Variants in TEC observed in about 807,000 individuals in gnomAD.
The protein encoded by TEC is tec protein tyrosine kinase, also known as tyrosine-protein kinase Tec.
A neutral mutation model predicts 93.0 loss-of-function variants in TEC; 72 were observed. The ratio of observed to expected loss-of-function variants is 0.77; its 90% CI spans 0.64 to 0.94. TEC has a LOEUF of 0.94. Ranked by LOEUF, TEC falls within the 40% of genes least tolerant of loss-of-function variation. The probability of loss-of-function intolerance (pLI) is 0.00; values close to 1 mark genes in which losing one functional copy is unlikely to be tolerated. For missense variants in TEC, 630 were observed against 757.9 expected, an observed-to-expected ratio of 0.83 and a Z score of 1.98; for synonymous variants, 249 against 247.7, an observed-to-expected ratio of 1.01 and a Z score of -0.05.
At position 48,192,033 on chromosome 4, in the gene TEC, A is replaced by T. The variant is rs183471219; in HGVS notation, c.139-15847T>A. On this transcript the variant is annotated intron_variant, in intron 2 of 17. Coordinates refer to ENST00000381501, the MANE Select transcript of TEC (RefSeq NM_003215.3). Reference sequence around the variant, plus strand: ...CACTAAGCACAAAAGGCATGGAAGCATATGTCCACACAAAGACTAACACAA... The same window carrying T: ...CACTAAGCACAAAAGGCATGGAAGCTTATGTCCACACAAAGACTAACACAA... Among the ~76,000 whole-genome samples, 13 of 152,364 alleles carry T rather than the reference A, an allele frequency of 8.5e-5. No homozygotes were observed. The East Asian group carries it at 1.9e-3, about 23-fold the overall frequency.
At chr4:48,203,514 A>G (rs1389576049) in intron 2 of TEC, among the ~76,000 whole-genome samples, 1 of 152,216 alleles carries the variant, frequency 6.6e-6, no homozygotes, top group Non-Finnish European at 1.5e-5. Context: ...CCTGCCCATG[A>G]GAGCAAAGGA....
In TEC at chr4:48,241,538, G is replaced by C. The variant is rs550768718; in HGVS notation, c.-45-12879C>G. Among the ~76,000 whole-genome samples the C allele has an allele frequency of 1.0e-3, 152 of 152,284 alleles. 2 individuals carry two copies. Among genetic ancestry groups the C allele is most frequent in the Admixed American group, 6.0e-3 (92 of 15,278 alleles). ...GCCTAGAAGCCAGACACATGAGTGA[G>C]AGACCTTCAAATGATTCCAGCCCTT... On this transcript the variant is annotated intron_variant, in intron 1 of 17. Coordinates refer to ENST00000381501, the MANE Select transcript of TEC (RefSeq NM_003215.3).
intron 2 of TEC, among the ~76,000 whole-genome samples, chr4:48,218,709 C>G (rs1365545276): frequency 6.6e-6 from 1 of 152,094 alleles, no homozygotes; most frequent in Non-Finnish European, 1.5e-5. Context: ...GGCTCTTATC[C>G]CTGTATCACT....
intron 1 of TEC, among the ~76,000 whole-genome samples, chr4:48,264,551 A>G (rs1724583449): frequency 6.6e-6 from 1 of 152,208 alleles, no homozygotes; most frequent in Non-Finnish European, 1.5e-5. Context: ...CCCAAGAGGT[A>G]ACGACCACAG....
chr4:48,228,664 A>G lies in TEC; in HGVS notation c.-45-5T>C. 1.3e-6 allele frequency: 2 copies of G among 1,564,812 alleles called. No homozygotes were observed. The highest frequency in any genetic ancestry group is 1.7e-6 in the Non-Finnish European group (2 of 1,162,168). ...GCCACTGAAGATCCCAGTATTCTAC[A>G]GTGAAAAAAGAAACAGTTAAAATGT... On this transcript the variant is annotated splice_polypyrimidine_tract_variant and splice_region_variant and intron_variant, in intron 1 of 17. Coordinates refer to ENST00000381501, the MANE Select transcript of TEC (RefSeq NM_003215.3).
intron 2 of TEC, among the ~76,000 whole-genome samples, chr4:48,193,328 C>T (rs985698336): frequency 2.6e-5 from 4 of 152,044 alleles, no homozygotes; most frequent in South Asian, 2.1e-4. Context: ...TTTTTATCTT[C>T]TATCTTTTTT....
chr4:48,149,053 T>C (rs1720046737), intron 11 of TEC, among the ~76,000 whole-genome samples: 1 of 152,198 alleles, frequency 6.6e-6, no homozygotes, highest in South Asian at 2.1e-4. Flanking sequence ...CTGTACCAGA[T>C]TTTCTTTATC....
chr4:48,247,566 G>T (rs1169436097), intron 1 of TEC, among the ~76,000 whole-genome samples: 1 of 152,096 alleles, frequency 6.6e-6, no homozygotes, highest in Non-Finnish European at 1.5e-5. Flanking sequence ...CCCTAAAAAG[G>T]AATGAAATAC....
intron 1 of TEC, among the ~76,000 whole-genome samples, chr4:48,257,455 CAAAG>C (rs1724373969): frequency 6.6e-6 from 1 of 151,650 alleles, no homozygotes. Flanking sequence ...GAAAATATGA[CAAAG>C]AGAGGAGAGG....
intron 9 of TEC, among the ~76,000 whole-genome samples, chr4:48,152,131 A>G (rs1022235338): frequency 6.6e-6 from 1 of 152,328 alleles, no homozygotes; most frequent in African/African-American, 2.4e-5. Context: ...TGGTCAGTAA[A>G]AAGTATAACA....
chr4:48,204,397 C>T (rs1032084207), intron 2 of TEC, among the ~76,000 whole-genome samples: 1 of 152,110 alleles, frequency 6.6e-6, no homozygotes, highest in Non-Finnish European at 1.5e-5. Flanking sequence ...GGTTTTAAGC[C>T]CACCCTATGT....
chr4:48,142,266 T>C (rs1577693500), intron 14 of TEC, among the ~76,000 whole-genome samples: 1 of 152,110 alleles, frequency 6.6e-6, no homozygotes, highest in South Asian at 2.1e-4. Flanking sequence ...AGGTCAGGAG[T>C]TCGGGACCAG....
At chr4:48,156,850 G>A (rs1577706602) in intron 8 of TEC, 116 bp from the exon 9 acceptor site, 1 of 760,240 alleles carries the variant, frequency 1.3e-6, no homozygotes, top group South Asian at 2.4e-5. Flanking sequence ...ATAAGAACAA[G>A]ATATCACTCA....
intron 2 of TEC, among the ~76,000 whole-genome samples, chr4:48,194,602 C>T (rs1339196275): frequency 3.3e-5 from 5 of 152,124 alleles, no homozygotes; most frequent in African/African-American, 1.2e-4. Context: ...AAGTTTCTTC[C>T]TCTCGCTTCT....
At chr4:48,196,682 T>C (rs774758295) in intron 2 of TEC, among the ~76,000 whole-genome samples, 7 of 152,340 alleles carry the variant, frequency 4.6e-5, no homozygotes, top group Non-Finnish European at 7.3e-5. Context: ...CTATGTCTTA[T>C]AAAAGCCATG....
At chr4:48,139,402 C>T (rs1475242256) in intron 15 of TEC, among the ~76,000 whole-genome samples, 1 of 152,174 alleles carries the variant, frequency 6.6e-6, no homozygotes, top group African/African-American at 2.4e-5. Flanking sequence ...CAGAGCTGCT[C>T]CAGAGGAAGT....
At chr4:48,179,376 A>ATTTTTTTT (rs1159156668) in intron 2 of TEC, among the ~76,000 whole-genome samples, 1 of 21,166 alleles carries the variant, frequency 4.7e-5, no homozygotes, top group Non-Finnish European at 8.4e-5. Flanking sequence ...ATATATATAT[A>ATTTTTTTT]TTTTTTTTTT....
chr4:48,169,011 C>T lies in TEC; in HGVS notation c.455-385G>A, dbSNP rs867524501. On this transcript the variant is annotated intron_variant, in intron 5 of 17. Transcript: ENST00000381501. Reference sequence around the variant, plus strand: ...ACAGTCCACAGTCCTAGAGTTTTGGCTGACACATGGCTACCCAAGATAAAG... The same window carrying T: ...ACAGTCCACAGTCCTAGAGTTTTGGTTGACACATGGCTACCCAAGATAAAG... Among the ~76,000 whole-genome samples the T allele has an allele frequency of 2.2e-4, 33 of 152,284 alleles. 1 individual carries two copies. The highest frequency in any genetic ancestry group is 3.4e-3 in the Middle Eastern group (1 of 294).
intron 2 of TEC, among the ~76,000 whole-genome samples, chr4:48,214,796 G>A (rs1723018705): frequency 6.6e-6 from 1 of 152,080 alleles, no homozygotes; most frequent in African/African-American, 2.4e-5. Context: ...GGAGGTTGCA[G>A]TGAGCTGAGA....
Sources: gnomAD v4.1 joint callset for allele counts (sites outside exome capture counted in the v4.1 genomes callset) on GRCh38, gnomAD v4.1.1 for gene constraint, MANE v1.5 for transcripts, NCBI Gene and HGNC (gene_info 2026-07-23, HGNC 2026-07-21) for gene names.